Variants in MICAL2 observed in about 807,000 individuals in gnomAD.
MICAL2 encodes the protein [F-actin]-monooxygenase MICAL2.
MICAL2 carries 77 observed loss-of-function variants against 127.3 expected under a neutral mutation model. That is an observed-to-expected ratio of 0.60 (90% CI 0.50 to 0.73). The LOEUF is 0.73. Ranked by LOEUF, MICAL2 falls within the 30% of genes least tolerant of loss-of-function variation. The pLI, the probability that MICAL2 is intolerant of heterozygous loss-of-function variation, is 0.00. For synonymous variants in MICAL2, 570 were observed against 551.1 expected (o/e 1.03, Z -0.48); for missense variants, 1,351 against 1,434.4 (o/e 0.94, Z 0.94).
intron 8 of MICAL2, among the ~76,000 whole-genome samples, chr11:12,217,032 C>T (rs992475172): frequency 2.0e-5 from 3 of 152,174 alleles, no homozygotes; most frequent in Middle Eastern, 3.2e-3. Flanking sequence ...CGTGGCCTTG[C>T]GACTTCATGC....
At chr11:12,343,133 C>T (rs1000138789) in intron 32 of MICAL2, among the ~76,000 whole-genome samples, 34 of 152,188 alleles carry the variant, frequency 2.2e-4, no homozygotes, top group African/African-American at 7.0e-4. Flanking sequence ...ATAGGCTGGG[C>T]GCCGTGGCTC....
intron 1 of MICAL2, among the ~76,000 whole-genome samples, chr11:12,118,195 C>CAT (rs756216286): frequency 6.4e-4 from 97 of 152,294 alleles, no homozygotes; most frequent in Non-Finnish European, 9.9e-4. Context: ...CACATACATA[C>CAT]ATATGTGTGT....
intron 29 of MICAL2, among the ~76,000 whole-genome samples, chr11:12,318,143 G>A (rs960459265): frequency 4.6e-5 from 7 of 152,114 alleles, no homozygotes; most frequent in Non-Finnish European, 7.4e-5. Context: ...CTAATATACC[G>A]GCATTGCGCT....
At chr11:12,122,508 A>AC (rs1850589099) in intron 1 of MICAL2, among the ~76,000 whole-genome samples, 1 of 152,208 alleles carries the variant, frequency 6.6e-6, no homozygotes, top group Admixed American at 6.5e-5. Context: ...TCCCAGGTTC[A>AC]AGCAATTCTC....
At chr11:12,172,604 A>T (rs4271372) in intron 3 of MICAL2, among the ~76,000 whole-genome samples, 3 of 151,908 alleles carry the variant, frequency 2.0e-5, no homozygotes, top group East Asian at 1.9e-4. Flanking sequence ...AGGTAAAAGC[A>T]GGGTTCTTGT....
chr11:12,176,566 C>G (rs975429528), intron 3 of MICAL2, among the ~76,000 whole-genome samples: 1 of 152,120 alleles, frequency 6.6e-6, no homozygotes, highest in African/African-American at 2.4e-5. Context: ...CAGCCATCAC[C>G]AACATTCATC....
intron 26 of MICAL2, chr11:12,261,762 CTG>C: frequency 3.0e-6 from 3 of 985,472 alleles, no homozygotes; most frequent in Middle Eastern, 5.2e-4. Context: ...GTGGCCAACT[CTG>C]TGGGAACTGG....
At chr11:12,143,451 A>C (rs561790659) in intron 2 of MICAL2, among the ~76,000 whole-genome samples, 7 of 152,350 alleles carry the variant, frequency 4.6e-5, no homozygotes, top group African/African-American at 1.7e-4. Flanking sequence ...AAGCTTCTCC[A>C]AATATGAATT....
At chr11:12,124,886 A>G (rs1050189321) in intron 1 of MICAL2, among the ~76,000 whole-genome samples, 6 of 152,192 alleles carry the variant, frequency 3.9e-5, no homozygotes, top group African/African-American at 1.4e-4. Context: ...GTCTTTTGCT[A>G]ATTTCACAGG....
At chr11:12,231,437 C>T (rs1209727324) in intron 15 of MICAL2, among the ~76,000 whole-genome samples, 1 of 152,130 alleles carries the variant, frequency 6.6e-6, no homozygotes, top group Non-Finnish European at 1.5e-5. Flanking sequence ...TGGTCCAGGT[C>T]CCCCTCCCCA....
At chr11:12,149,205 G>A (rs1034995534) in intron 2 of MICAL2, among the ~76,000 whole-genome samples, 2 of 152,162 alleles carry the variant, frequency 1.3e-5, no homozygotes, top group South Asian at 2.1e-4. Context: ...GGAGTTTATC[G>A]GGAAATTACA....
At chr11:12,326,592 C>T (rs1302737937) in intron 31 of MICAL2, among the ~76,000 whole-genome samples, 2 of 152,140 alleles carry the variant, frequency 1.3e-5, no homozygotes, top group South Asian at 2.1e-4. Flanking sequence ...AATGAAAGAA[C>T]GCTGGGCATC....
intron 7 of MICAL2, among the ~76,000 whole-genome samples, chr11:12,214,092 A>G (rs1334150039): frequency 6.6e-6 from 1 of 152,184 alleles, no homozygotes; most frequent in Non-Finnish European, 1.5e-5. Context: ...ATTCTACGAG[A>G]ATAGACAGTC....
Position 12,259,109 on chromosome 11 carries a change from C to T in MICAL2, c.3231+553C>T, listed in dbSNP as rs548723129. Among the ~76,000 whole-genome samples the T allele has an allele frequency of 2.6e-5, 4 of 152,256 alleles. No individual in the cohort carries two copies. The South Asian group carries it at 8.3e-4, about 32-fold the overall frequency. ...ACAACCCATAACTTAAAACTTTTTT[C>T]TAATTAGCCAAATATATAGGTTCAG... On this transcript the variant is annotated intron_variant, in intron 25 of 27. Transcript: ENST00000683283.
intron 15 of MICAL2, 46 bp from the exon 16 acceptor site, chr11:12,236,131 C>A (rs1010159481): frequency 6.5e-7 from 1 of 1,540,968 alleles, no homozygotes; most frequent in Non-Finnish European, 9.0e-7. Flanking sequence ...GGGACTGAAG[C>A]CCTTGGTGGC....
In MICAL2 at chr11:12,223,951, G is replaced by A. The variant is rs78643253; in HGVS notation, c.1540+450G>A. Among the ~76,000 whole-genome samples the A allele has an allele frequency of 7.6e-3, 1,150 of 152,160 alleles. 22 individuals carry two copies. Among genetic ancestry groups the A allele is most frequent in the East Asian group, 0.057 (292 of 5,164 alleles). ...GATGGTTAAATGAGGAACTCCCAGC[G>A]CCCAGCTCAGCTCAGGATGCTCTCC... On this transcript the variant is annotated intron_variant, in intron 12 of 27. Coordinates refer to ENST00000683283, the MANE Select transcript of MICAL2 (RefSeq NM_001282663.2).
intron 3 of MICAL2, among the ~76,000 whole-genome samples, chr11:12,201,623 C>T (rs564120357): frequency 1.3e-5 from 2 of 152,230 alleles, no homozygotes; most frequent in South Asian, 2.1e-4. Context: ...CGATGTTCCT[C>T]GTAAGATTTT....
intron 3 of MICAL2, among the ~76,000 whole-genome samples, chr11:12,173,025 A>G (rs1856454586): frequency 6.6e-6 from 1 of 152,094 alleles, no homozygotes; most frequent in Non-Finnish European, 1.5e-5. Context: ...AATATAGTAT[A>G]TACATATATT....
chr11:12,165,414 T>C (rs1216337069), intron 3 of MICAL2, among the ~76,000 whole-genome samples: 2 of 152,236 alleles, frequency 1.3e-5, no homozygotes, highest in Non-Finnish European at 2.9e-5. Flanking sequence ...TTTGGTGTCA[T>C]GGTTTATGCT....
Sources: allele counts gnomAD v4.1 joint callset (sites outside exome capture counted in the v4.1 genomes callset), GRCh38; gene constraint gnomAD v4.1.1; transcripts MANE v1.5; gene names NCBI Gene and HGNC (gene_info 2026-07-23, HGNC 2026-07-21).